TBC1D22B: variants seen among roughly 807,000 people sequenced by gnomAD.
The protein encoded by TBC1D22B is TBC1 domain family member 22B, also known as chromosome 6 open reading frame 197.
A neutral mutation model predicts 69.1 loss-of-function variants in TBC1D22B; 32 were observed. The ratio of observed to expected loss-of-function variants is 0.46; its 90% CI spans 0.35 to 0.62. TBC1D22B has a LOEUF of 0.62. Ranked by LOEUF, TBC1D22B falls within the 20% of genes least tolerant of loss-of-function variation. TBC1D22B has a pLI of 0.00. For missense variants in TBC1D22B, 462 were observed against 630.9 expected, an observed-to-expected ratio of 0.73 and a Z score of 2.87; for synonymous variants, 206 against 229.8, an observed-to-expected ratio of 0.90 and a Z score of 0.94.
At chr6:37,316,946 A>C in intron 11 of TBC1D22B, 116 bp downstream of exon 11, 11 of 1,558,436 alleles carry the variant, frequency 7.1e-6, no homozygotes, top group Non-Finnish European at 9.6e-6. Context: ...TTCTACTTCC[A>C]TGTCTGCTTT....
chr6:37,327,414 C>G (rs1419317545), intron 12 of TBC1D22B, among the ~76,000 whole-genome samples: 1 of 101,122 alleles, frequency 9.9e-6, no homozygotes, highest in Non-Finnish European at 1.7e-5. Context: ...GGAGGCGGAG[C>G]TTGCAGTGAG....
At chr6:37,286,420 A>G (rs899913447) in intron 6 of TBC1D22B, among the ~76,000 whole-genome samples, 2 of 150,412 alleles carry the variant, frequency 1.3e-5, no homozygotes, top group Non-Finnish European at 3.0e-5. Flanking sequence ...GGTTCACACC[A>G]TTCTCCTGCC....
At chr6:37,271,493 C>T (rs969073482) in intron 2 of TBC1D22B, among the ~76,000 whole-genome samples, 2 of 152,062 alleles carry the variant, frequency 1.3e-5, no homozygotes, top group African/African-American at 4.8e-5. Flanking sequence ...GGCGGATGTT[C>T]ATAATGGAGA....
chr6:37,316,180 G>A (rs1015978357), intron 10 of TBC1D22B, among the ~76,000 whole-genome samples: 1 of 152,232 alleles, frequency 6.6e-6, no homozygotes, highest in African/African-American at 2.4e-5. Context: ...GTTGAATATG[G>A]TGAAGCGCTT....
chr6:37,271,285 C>T (rs1046053438), intron 2 of TBC1D22B, among the ~76,000 whole-genome samples: 1 of 152,110 alleles, frequency 6.6e-6, no homozygotes, highest in Admixed American at 6.6e-5. Context: ...TGCACTCCAC[C>T]CTGGGCAACA....
Position 37,287,045 on chromosome 6 carries a change from G to T in TBC1D22B, c.840G>T (p.Pro280=). Residue 280 remains proline, a synonymous_variant, in exon 7 of 13, where the codon CCG becomes CCT. Transcript: ENST00000373491. The stretch of plus-strand genomic sequence containing the variant: ...TTCCAAGGACGAATCCTCTCATTCC[G>T]TTGTTCCAGCAACCACTTGTACAGG... ...IDIPRTNPLI[P]LFQQPLVQEI... 1 of 1,603,806 alleles carries T rather than the reference G, an allele frequency of 6.2e-7. No individual in the cohort carries two copies. Among genetic ancestry groups the T allele is most frequent in the Non-Finnish European group, 8.5e-7 (1 of 1,176,334 alleles).
chr6:37,267,379 TATATAATATATATATAC>T (rs1265383837), intron 1 of TBC1D22B, among the ~76,000 whole-genome samples: 33 of 32,348 alleles, frequency 1.0e-3, no homozygotes, highest in African/African-American at 2.9e-3. Context: ...TATACACACA[TATATAATATATATATAC>T]ACACATATAT....
At chr6:37,319,405 T>A (rs959979014) in intron 12 of TBC1D22B, among the ~76,000 whole-genome samples, 7 of 152,246 alleles carry the variant, frequency 4.6e-5, no homozygotes, top group African/African-American at 1.7e-4. Flanking sequence ...CCATATGTGA[T>A]AAAAGTGCTT....
At chr6:37,304,661 G>A (rs965555806) in intron 8 of TBC1D22B, among the ~76,000 whole-genome samples, 11 of 152,168 alleles carry the variant, frequency 7.2e-5, no homozygotes, top group Admixed American at 1.3e-4. Context: ...AAACATTTCC[G>A]GGGTGATGGA....
intron 7 of TBC1D22B, 45 bp from the exon 8 acceptor site, chr6:37,291,198 G>A (rs1767167563): frequency 7.5e-7 from 1 of 1,336,254 alleles, no homozygotes; most frequent in Non-Finnish European, 1.1e-6. Context: ...AGGAGTGTGT[G>A]TCCCCGTGAT....
At chr6:37,323,270 G>T (rs1320469744) in intron 12 of TBC1D22B, among the ~76,000 whole-genome samples, 1 of 152,178 alleles carries the variant, frequency 6.6e-6, no homozygotes, top group Non-Finnish European at 1.5e-5. Flanking sequence ...GCTCATGCCT[G>T]TAATCCCAGC....
Position 37,327,348 on chromosome 6 carries a change from G to A in TBC1D22B, c.1390-3696G>A, listed in dbSNP as rs1189790218. ...AAAAAATTAGCCGGGCGTGGTGGTG[G>A]GCGCCTGTAGTCCCAGCTGCTCGGG... is the stretch of plus-strand genomic sequence containing the variant. On this transcript the variant is annotated intron_variant, in intron 12 of 12. Transcript: ENST00000373491. 2.2e-5 allele frequency among the ~76,000 whole-genome samples: 3 copies of A among 134,310 alleles called. 1 individual carries two copies. The highest frequency in any genetic ancestry group is 3.1e-5 in the Non-Finnish European group (2 of 64,610). 88.1% of individuals were successfully genotyped at this position (134,310 alleles called of 152,430 possible).
chr6:37,331,483 C>A lies in TBC1D22B; in HGVS notation c.*311C>A. On this transcript the variant is annotated 3_prime_UTR_variant, in exon 13 of 13. Coordinates refer to ENST00000373491, the MANE Select transcript of TBC1D22B (RefSeq NM_017772.4). ...GGGGAAGGCTCAGGGTCTCACCTCA[C>A]ATTGTCCCTACAAGGACAGGCCCCA... 4.0e-6 allele frequency: 1 copy of A among 250,698 alleles called. No individual in the cohort carries two copies. 15.5% of individuals were successfully genotyped at this position (250,698 alleles called of 1,614,324 possible).
intron 7 of TBC1D22B, among the ~76,000 whole-genome samples, chr6:37,288,982 G>T (rs1054157733): frequency 6.6e-6 from 1 of 151,960 alleles, no homozygotes; most frequent in South Asian, 2.1e-4. Flanking sequence ...TCTACTCCCC[G>T]GGCTCAAGCA....
chr6:37,315,837 A>C (rs1370877403), intron 10 of TBC1D22B, among the ~76,000 whole-genome samples: 1 of 152,150 alleles, frequency 6.6e-6, no homozygotes, highest in Non-Finnish European at 1.5e-5. Flanking sequence ...GGCCTCCCTA[A>C]GTGCTGGGAT....
intron 7 of TBC1D22B, among the ~76,000 whole-genome samples, chr6:37,289,004 T>C (rs1160161633): frequency 6.6e-6 from 1 of 152,072 alleles, no homozygotes; most frequent in Non-Finnish European, 1.5e-5. Context: ...TCCTCCTGCC[T>C]CAGCCTCCCA....
chr6:37,324,535 G>T, intron 12 of TBC1D22B: 1 of 342,044 alleles, frequency 2.9e-6, no homozygotes, highest in South Asian at 2.2e-5. Context: ...ATTAGTAAAC[G>T]AAGAAGTTGA....
At chr6:37,258,921 GT>G (rs919281708) in intron 1 of TBC1D22B, among the ~76,000 whole-genome samples, 1 of 145,660 alleles carries the variant, frequency 6.9e-6, no homozygotes. Context: ...ATGGATTCAG[GT>G]TTTTTCCTTC....
intron 1 of TBC1D22B, among the ~76,000 whole-genome samples, chr6:37,260,816 G>A (rs958506822): frequency 1.3e-5 from 2 of 152,132 alleles, no homozygotes; most frequent in African/African-American, 4.8e-5. Context: ...GTATGTATCA[G>A]TACTTCATTC....
Sources: allele counts gnomAD v4.1 joint callset (sites outside exome capture counted in the v4.1 genomes callset), GRCh38; gene constraint gnomAD v4.1.1; transcripts MANE v1.5; gene names NCBI Gene and HGNC (gene_info 2026-07-23, HGNC 2026-07-21).